Variants in TTC7A observed in about 807,000 individuals in gnomAD.
TTC7A encodes the protein tetratricopeptide repeat domain 7A.
TTC7A carries 110 observed loss-of-function variants against 103.7 expected under a neutral mutation model. That is an observed-to-expected ratio of 1.06 (90% CI 0.91 to 1.24). The LOEUF (loss-of-function observed/expected upper bound fraction) is 1.24. Ranked by LOEUF, TTC7A falls within the 50% of genes most tolerant of loss-of-function variation. The probability of loss-of-function intolerance (pLI) is 0.00; values close to 1 mark genes in which losing one functional copy is unlikely to be tolerated. For missense variants in TTC7A, 1,340 were observed against 1,116.3 expected (o/e 1.20, Z -2.86); for synonymous variants, 521 against 467.9 (o/e 1.11, Z -1.47).
intron 19 of TTC7A, among the ~76,000 whole-genome samples, chr2:47,067,012 A>G (rs1388792881): frequency 1.3e-5 from 2 of 152,122 alleles, no homozygotes; most frequent in Non-Finnish European, 2.9e-5. Flanking sequence ...GGGGCAAGAG[A>G]GTGTGAGAGA....
chr2:46,967,167 T>G (rs1489455571), intron 3 of TTC7A, among the ~76,000 whole-genome samples: 1 of 152,158 alleles, frequency 6.6e-6, no homozygotes, highest in South Asian at 2.1e-4. Context: ...GAGCTGAGAT[T>G]GTGCCACTGC....
intron 2 of TTC7A, among the ~76,000 whole-genome samples, chr2:46,929,098 G>A (rs886444482): frequency 3.3e-5 from 5 of 152,196 alleles, no homozygotes; most frequent in Non-Finnish European, 7.3e-5. Context: ...GGAAGGTGGA[G>A]GTTGGAGTGA....
intron 15 of TTC7A, among the ~76,000 whole-genome samples, chr2:47,037,256 A>G (rs530023230): frequency 1.3e-5 from 2 of 152,296 alleles, no homozygotes; most frequent in Admixed American, 6.5e-5. Flanking sequence ...TGGAGCAGAG[A>G]CTGGCCTCTC....
At chr2:46,969,816 C>T (rs935767235) in intron 3 of TTC7A, among the ~76,000 whole-genome samples, 6 of 152,168 alleles carry the variant, frequency 3.9e-5, no homozygotes, top group Admixed American at 3.3e-4. Context: ...CTTCCTAAAC[C>T]CTAGGCCCTG....
At chr2:47,048,554 G>C (rs1339591960) in intron 16 of TTC7A, among the ~76,000 whole-genome samples, 1 of 152,216 alleles carries the variant, frequency 6.6e-6, no homozygotes, top group African/African-American at 2.4e-5. Context: ...ACAAAGCTGA[G>C]AAAGGTGGCC....
chr2:46,940,232 G>C (rs190553267), upstream of TTC7A, among the ~76,000 whole-genome samples: 48 of 152,256 alleles, frequency 3.2e-4, no homozygotes, highest in Admixed American at 3.0e-3. The surrounding 1 kb of genome is among the most constrained non-coding windows in gnomAD (Gnocchi z 4.7). Flanking sequence ...GGGAGGACGT[G>C]GAGCACCTTC....
In TTC7A at chr2:47,024,336, C is replaced by A. The variant is rs1351285752; in HGVS notation, c.1618C>A (p.Leu540Met). The A allele has an allele frequency of 3.1e-6, 5 of 1,607,876 alleles. No homozygotes were observed. Among genetic ancestry groups the A allele is most frequent in the Non-Finnish European group, 4.2e-6 (5 of 1,177,252 alleles). ...CCCCCAGGTCATCCTCTATGTCTCG[C>A]TGCAGCTGGCCCTCGTCCGACAGGT... ...SDPQVILYVS[L>M]QLALVRQISS... The change falls in exon 14 of 20, where the codon CTG (leucine) becomes ATG (methionine). Residue 540 changes from leucine (L) to methionine (M), a missense_variant. Leu to Met is a conservative substitution (Grantham distance 15). Coordinates refer to ENST00000319190, the MANE Select transcript of TTC7A (RefSeq NM_020458.4).
chr2:47,014,158 T>C (rs1422296807), intron 11 of TTC7A, among the ~76,000 whole-genome samples: 1 of 152,238 alleles, frequency 6.6e-6, no homozygotes, highest in African/African-American at 2.4e-5. Flanking sequence ...TTCTGTCTTA[T>C]GTGGTGCATG....
At chr2:47,018,894 T>G (rs1462445492) in intron 11 of TTC7A, among the ~76,000 whole-genome samples, 1 of 152,122 alleles carries the variant, frequency 6.6e-6, no homozygotes, top group Non-Finnish European at 1.5e-5. Flanking sequence ...AGCCTAGGAT[T>G]TGGACCAGGG....
At position 46,986,855 on chromosome 2, in the gene TTC7A, G is replaced by A. The variant is rs111461084; in HGVS notation, c.765-6595G>A. Among the ~76,000 whole-genome samples the A allele has an allele frequency of 2.5e-3, 379 of 152,228 alleles. 1 individual carries two copies. Among genetic ancestry groups the A allele is most frequent in the Non-Finnish European group, 3.9e-3 (267 of 67,994 alleles). ...TGCTGTTGTCCACTGTGTACGGTGG[G>A]TGGCGATTGCTGGACCCCAGACGCT... is the stretch of plus-strand genomic sequence containing the variant. On this transcript the variant is annotated intron_variant, in intron 5 of 19. Coordinates refer to ENST00000319190, the MANE Select transcript of TTC7A (RefSeq NM_020458.4).
At chr2:47,028,744 C>T (rs539549349) in intron 14 of TTC7A, among the ~76,000 whole-genome samples, 68 of 152,290 alleles carry the variant, frequency 4.5e-4, no homozygotes, top group African/African-American at 1.6e-3. Flanking sequence ...GGATTCTAGT[C>T]CCAGATTCCC....
In TTC7A at chr2:47,014,154, C is replaced by A. The variant is rs1394042932; in HGVS notation, c.1392+2719C>A. The stretch of plus-strand genomic sequence containing the variant: ...ACATTCACTTGGCAATGAATTCTGT[C>A]TTATGTGGTGCATGACTTCCCAACT... On this transcript the variant is annotated intron_variant, in intron 11 of 19. Coordinates refer to ENST00000319190, the MANE Select transcript of TTC7A (RefSeq NM_020458.4). 2.0e-5 allele frequency among the ~76,000 whole-genome samples: 3 copies of A among 152,198 alleles called. No individual in the cohort carries two copies. The South Asian group carries it at 6.2e-4, about 32-fold the overall frequency.
intron 14 of TTC7A, among the ~76,000 whole-genome samples, chr2:47,025,792 C>A (rs4952861): frequency 6.6e-6 from 1 of 152,162 alleles, no homozygotes; most frequent in Non-Finnish European, 1.5e-5. Context: ...TCCTCCACCT[C>A]TAGGCTGCGC....
chr2:46,943,909 A>G (rs1441283865), intron 1 of TTC7A, among the ~76,000 whole-genome samples: 1 of 152,160 alleles, frequency 6.6e-6, no homozygotes, highest in Non-Finnish European at 1.5e-5. Flanking sequence ...TCCTACCCAG[A>G]GGTAGATTCA....
chr2:46,963,258 T>C (rs768875015), intron 3 of TTC7A, among the ~76,000 whole-genome samples: 2 of 152,190 alleles, frequency 1.3e-5, no homozygotes, highest in Non-Finnish European at 2.9e-5. Flanking sequence ...CTCTCAGCTG[T>C]CTTGCATTGT....
chr2:47,037,600 G>A (rs191925542), intron 15 of TTC7A, among the ~76,000 whole-genome samples: 6 of 152,334 alleles, frequency 3.9e-5, no homozygotes, highest in Admixed American at 1.3e-4. Context: ...TGGCAGGACC[G>A]CCCTGGTATA....
At chr2:46,974,299 C>G (rs1004890519) in intron 3 of TTC7A, among the ~76,000 whole-genome samples, 1 of 152,256 alleles carries the variant, frequency 6.6e-6, no homozygotes, top group Non-Finnish European at 1.5e-5. Flanking sequence ...GAGGAGGGAG[C>G]AAGCAAGTGC....
chr2:47,049,556 T>A (rs1682660173), intron 16 of TTC7A, among the ~76,000 whole-genome samples: 1 of 151,802 alleles, frequency 6.6e-6, no homozygotes, highest in Non-Finnish European at 1.5e-5. Flanking sequence ...GGTTTGGGGG[T>A]TGCAGCACTT....
chr2:47,033,911 T>G (rs1298496486), intron 15 of TTC7A, among the ~76,000 whole-genome samples: 1 of 152,078 alleles, frequency 6.6e-6, no homozygotes, highest in Non-Finnish European at 1.5e-5. Context: ...GGGGAAAGGT[T>G]AGTGAGCTCC....
Sources: allele counts gnomAD v4.1 joint callset (sites outside exome capture counted in the v4.1 genomes callset), GRCh38; gene constraint gnomAD v4.1.1; non-coding constraint Gnocchi (gnomAD v3.1); transcripts MANE v1.5; gene names NCBI Gene and HGNC (gene_info 2026-07-23, HGNC 2026-07-21).